CSMD2: variants seen among roughly 807,000 people sequenced by gnomAD.
CSMD2 encodes the protein CUB and Sushi multiple domains 2, also known as CUB and sushi domain-containing protein 2.
In CSMD2, 130 loss-of-function variants were observed where a neutral mutation model predicts 398.5. The observed-to-expected ratio is 0.33, with a 90% CI of 0.28 to 0.38. The LOEUF (loss-of-function observed/expected upper bound fraction) is 0.38, where lower values mean the gene tolerates loss of function less well. Among genes scored for constraint, CSMD2 ranks in the 10% least tolerant of loss-of-function variants. CSMD2 has a pLI of 1.00. For synonymous variants in CSMD2, 1,828 were observed against 1,908.5 expected (o/e 0.96, Z 1.10); for missense variants, 3,829 against 4,764.9 (o/e 0.80, Z 5.78).
At chr1:33,651,859 C>T (rs1333982410) in intron 28 of CSMD2, among the ~76,000 whole-genome samples, 1 of 152,006 alleles carries the variant, frequency 6.6e-6, no homozygotes, top group Non-Finnish European at 1.5e-5. Context: ...TAGAGAAAGG[C>T]AGAGGCAGTT....
chr1:33,632,288 A>G (rs1476622226), intron 32 of CSMD2, among the ~76,000 whole-genome samples: 1 of 152,128 alleles, frequency 6.6e-6, no homozygotes, highest in Non-Finnish European at 1.5e-5. Context: ...ATAGCATGGG[A>G]AATTTACATA....
chr1:33,996,250 G>T (rs1646723256), intron 3 of CSMD2, among the ~76,000 whole-genome samples: 1 of 152,144 alleles, frequency 6.6e-6, no homozygotes. Flanking sequence ...CTTTCCTTCT[G>T]CCCCAATCCT....
intron 53 of CSMD2, among the ~76,000 whole-genome samples, chr1:33,561,911 G>A (rs983544918): frequency 7.2e-5 from 11 of 152,154 alleles, no homozygotes; most frequent in East Asian, 1.9e-4. Flanking sequence ...GGAAAAGGTC[G>A]TGATGCCCCT....
chr1:33,959,237 T>C (rs1645268675), intron 3 of CSMD2, among the ~76,000 whole-genome samples: 1 of 152,084 alleles, frequency 6.6e-6, no homozygotes, highest in Admixed American at 6.6e-5. Flanking sequence ...TGGTGACACG[T>C]GTGACACTGC....
rs1426581148 is a variant in CSMD2 at position 34,123,525 on chromosome 1, G to GC, written c.188-34333_188-34332insG. On this transcript the variant is annotated intron_variant, in intron 1 of 70. Transcript: ENST00000373381. ...CCAGCCAATTAATCAAACTTAAAGG[G>GC]GGGGGGTTGTGGGAACCCCAACTTG... Among the ~76,000 whole-genome samples, 27 of 137,242 alleles carry GC rather than the reference G, an allele frequency of 2.0e-4. No individual in the cohort carries two copies. In the East Asian group the frequency reaches 2.6e-3, roughly 13 times the overall value. The allele number at this position is 137,242 out of a possible 152,430, so 90.0% of individuals were successfully genotyped here. A position where few individuals can be genotyped will look rare whatever the true frequency, so the allele number is the denominator to read the frequency against.
intron 1 of CSMD2, among the ~76,000 whole-genome samples, chr1:34,128,784 G>A (rs377285539): frequency 7.9e-5 from 12 of 152,202 alleles, no homozygotes; most frequent in African/African-American, 2.2e-4. Context: ...GAGGGGCGTC[G>A]TCCCTAAACT....
At chr1:33,564,758 T>A (rs1304021345) in intron 53 of CSMD2, among the ~76,000 whole-genome samples, 1 of 152,040 alleles carries the variant, frequency 6.6e-6, no homozygotes, top group Non-Finnish European at 1.5e-5. Flanking sequence ...TCAGGCATTG[T>A]TTTTTGAGAA....
At chr1:33,557,520 T>C (rs570329593) in intron 55 of CSMD2, among the ~76,000 whole-genome samples, 7 of 151,796 alleles carry the variant, frequency 4.6e-5, no homozygotes, top group African/African-American at 1.5e-4. Flanking sequence ...AACACAAAAA[T>C]TGGTATGGAA....
chr1:34,081,118 G>A (rs1657048837), intron 2 of CSMD2, among the ~76,000 whole-genome samples: 2 of 151,904 alleles, frequency 1.3e-5, no homozygotes, highest in South Asian at 4.2e-4. Flanking sequence ...TGATTCCCTG[G>A]ACTAACACAC....
chr1:34,016,854 G>A (rs1220899660), intron 3 of CSMD2, among the ~76,000 whole-genome samples: 3 of 152,252 alleles, frequency 2.0e-5, no homozygotes, highest in African/African-American at 7.2e-5. Flanking sequence ...ATTAGAAAAC[G>A]TGCCACATTT....
intron 1 of CSMD2, among the ~76,000 whole-genome samples, chr1:34,130,367 A>G (rs1448590271): frequency 7.7e-6 from 1 of 130,088 alleles, no homozygotes; most frequent in African/African-American, 2.7e-5. Flanking sequence ...AGAAAAAAAC[A>G]GCAGGAAGAA....
At chr1:34,014,606 G>A (rs755595986) in intron 3 of CSMD2, among the ~76,000 whole-genome samples, 26 of 152,232 alleles carry the variant, frequency 1.7e-4, no homozygotes, top group Non-Finnish European at 3.7e-4. Context: ...CGACCACTGT[G>A]CCCTAAGCGC....
chr1:33,926,390 T>G (rs900387019), intron 4 of CSMD2, among the ~76,000 whole-genome samples: 4 of 152,150 alleles, frequency 2.6e-5, no homozygotes, highest in Non-Finnish European at 5.9e-5. Context: ...ACTTCCCAAC[T>G]GTAGGCAATG....
chr1:33,624,919 C>G lies in CSMD2; in HGVS notation c.5500+132G>C. 1.0e-6 allele frequency: 1 copy of G among 994,460 alleles called. No individual in the cohort carries two copies. The highest frequency in any genetic ancestry group is 1.5e-6 in the Non-Finnish European group (1 of 657,926). The allele number at this position is 994,460 out of a possible 1,614,324, so 61.6% of individuals were successfully genotyped here. On this transcript the variant is annotated intron_variant, in intron 34 of 70. Coordinates refer to ENST00000373381, the MANE Select transcript of CSMD2 (RefSeq NM_001281956.2). This position sits in a 1 kb window ranked among gnomAD's most constrained non-coding sequence, Gnocchi z 4.7. ...CGGGGACTGGGGTTGACTGGGACAC[C>G]CCACCTCAGCCATGCGGTGGGAAGC...
At chr1:33,956,206 T>C (rs1219477022) in intron 3 of CSMD2, among the ~76,000 whole-genome samples, 4 of 139,504 alleles carry the variant, frequency 2.9e-5, no homozygotes, top group African/African-American at 1.2e-4. Flanking sequence ...ACTTAAAGTA[T>C]TAAAAAAAAA....
At chr1:34,082,530 G>A (rs557691669) in intron 2 of CSMD2, among the ~76,000 whole-genome samples, 21 of 151,840 alleles carry the variant, frequency 1.4e-4, no homozygotes, top group African/African-American at 2.4e-4. Context: ...CGTCTGGGGG[G>A]TGGGGGGGCC....
Position 33,559,375 on chromosome 1 carries a change from AC to A in CSMD2, c.8478del (p.Tyr2827IlefsTer174). ...NDVVKFVCNP[G>X]YMAEGAARSQ... ...GACCTAGCAGCCCCCTCAGCCATAT[AC>A]CCAGGGTTGCAAACAAACTTGACCA... is the stretch of plus-strand genomic sequence containing the variant. On this transcript the variant is annotated frameshift_variant, in exon 54 of 71. Transcript: ENST00000373381. LOFTEE classifies it high-confidence loss of function. This position sits in a 1 kb window ranked among gnomAD's most constrained non-coding sequence, Gnocchi z 4.0. 6.5e-7 allele frequency: 1 copy of A among 1,536,076 alleles called. No homozygotes were observed. Among genetic ancestry groups the A allele is most frequent in the South Asian group, 1.2e-5 (1 of 84,060 alleles).
chr1:33,568,131 T>C (rs1252738197), intron 52 of CSMD2, among the ~76,000 whole-genome samples: 3 of 149,152 alleles, frequency 2.0e-5, no homozygotes, highest in Non-Finnish European at 4.4e-5. Context: ...AAAAGCCTTC[T>C]ATAAAAAAAC....
chr1:33,787,349 C>T (rs1013210972), intron 12 of CSMD2, among the ~76,000 whole-genome samples: 1 of 152,180 alleles, frequency 6.6e-6, no homozygotes, highest in Non-Finnish European at 1.5e-5. Flanking sequence ...GGTCCTGGAG[C>T]AGGAGGAACC....
Sources: gnomAD v4.1 joint callset for allele counts (sites outside exome capture counted in the v4.1 genomes callset) on GRCh38, gnomAD v4.1.1 for gene constraint, Gnocchi (gnomAD v3.1) non-coding constraint, MANE v1.5 for transcripts, NCBI Gene and HGNC (gene_info 2026-07-23, HGNC 2026-07-21) for gene names.